CNIH3: variants seen among roughly 807,000 people sequenced by gnomAD.
CNIH3 encodes protein cornichon homolog 3.
CNIH3 carries 14 observed loss-of-function variants against 24.1 expected under a neutral mutation model. That is an observed-to-expected ratio of 0.58 (90% CI 0.38 to 0.91). CNIH3 has a LOEUF of 0.91. CNIH3 is among the 40% of genes least tolerant of loss of function. The probability of loss-of-function intolerance (pLI) is 0.00; values close to 1 mark genes in which losing one functional copy is unlikely to be tolerated. For synonymous variants in CNIH3, 68 were observed against 73.8 expected (o/e 0.92, Z 0.40); for missense variants, 178 against 196.8 (o/e 0.90, Z 0.57).
intron 1 of CNIH3, among the ~76,000 whole-genome samples, chr1:224,486,278 G>A (rs543032348): frequency 2.8e-4 from 42 of 151,516 alleles, no homozygotes; most frequent in Non-Finnish European, 4.7e-4. Context: ...GCTAATTTTT[G>A]TGGGGTTTTT....
chr1:224,725,254 AGTGGT>A (rs1243453039), intron 3 of CNIH3, among the ~76,000 whole-genome samples: 4 of 152,176 alleles, frequency 2.6e-5, no homozygotes, highest in African/African-American at 7.2e-5. Flanking sequence ...CAATAACAAT[AGTGGT>A]GTCTTCTTTT....
chr1:224,676,305 A>C lies in CNIH3; in HGVS notation c.82-4653A>C, dbSNP rs573659977. On this transcript the variant is annotated intron_variant, in intron 1 of 5. Coordinates refer to ENST00000272133, the MANE Select transcript of CNIH3 (RefSeq NM_152495.2). Reference sequence around the variant, plus strand: ...GTGACTTTCTGGAGAAGGCAAAACTAGAGGGATGGAGAACAGATTAGTGGT... The same window carrying C: ...GTGACTTTCTGGAGAAGGCAAAACTCGAGGGATGGAGAACAGATTAGTGGT... 8.5e-5 allele frequency among the ~76,000 whole-genome samples: 13 copies of C among 152,216 alleles called. No individual in the cohort carries two copies. The East Asian group carries it at 2.3e-3, about 27-fold the overall frequency.
intron 1 of CNIH3, among the ~76,000 whole-genome samples, chr1:224,618,146 A>C (rs1477435446): frequency 6.6e-6 from 1 of 152,208 alleles, no homozygotes; most frequent in African/African-American, 2.4e-5. Context: ...AGGAGTGCGT[A>C]CGCCGGTCCT....
At chr1:224,654,179 C>T (rs1023918061) in intron 1 of CNIH3, among the ~76,000 whole-genome samples, 5 of 151,886 alleles carry the variant, frequency 3.3e-5, no homozygotes, top group Non-Finnish European at 5.9e-5. Context: ...GTCAGGAGTT[C>T]GAGACCAGCC....
At chr1:224,695,746 C>T (rs561600231) in intron 3 of CNIH3, among the ~76,000 whole-genome samples, 7 of 152,338 alleles carry the variant, frequency 4.6e-5, no homozygotes, top group African/African-American at 1.4e-4. Flanking sequence ...GATGATCGCT[C>T]AGGCTCCCCT....
chr1:224,673,886 G>A (rs1685996264), intron 1 of CNIH3, among the ~76,000 whole-genome samples: 2 of 152,120 alleles, frequency 1.3e-5, no homozygotes, highest in African/African-American at 4.8e-5. Flanking sequence ...ACAGCGTGCT[G>A]GATGGAGCAC....
downstream of CNIH3, among the ~76,000 whole-genome samples, chr1:224,541,603 C>A (rs999832860): frequency 9.9e-5 from 15 of 152,148 alleles, no homozygotes; most frequent in Non-Finnish European, 1.6e-4. Flanking sequence ...AGAAGCTATT[C>A]ATTAGATTTG....
chr1:224,558,743 C>T (rs1039964854), intron 3 of CNIH3, among the ~76,000 whole-genome samples: 1 of 152,204 alleles, frequency 6.6e-6, no homozygotes, highest in Non-Finnish European at 1.5e-5. Flanking sequence ...AGAATTATTA[C>T]AGCCCACTTT....
At chr1:224,526,393 C>T (rs111426059) in intron 2 of CNIH3, among the ~76,000 whole-genome samples, 5 of 152,174 alleles carry the variant, frequency 3.3e-5, no homozygotes, top group African/African-American at 9.6e-5. Context: ...GCTTTTTTCC[C>T]CCTTTGTGCC....
At chr1:224,644,187 G>A (rs1684490639) in intron 1 of CNIH3, among the ~76,000 whole-genome samples, 1 of 152,088 alleles carries the variant, frequency 6.6e-6, no homozygotes, top group African/African-American at 2.4e-5. Flanking sequence ...TGCTCCCTTC[G>A]GCCTTTGTTA....
At chr1:224,442,375 A>G (rs1674957554) in intron 1 of CNIH3, among the ~76,000 whole-genome samples, 2 of 152,228 alleles carry the variant, frequency 1.3e-5, no homozygotes, top group African/African-American at 4.8e-5. Context: ...ATAAGGATGT[A>G]CATTTTCTGC....
intron 1 of CNIH3, among the ~76,000 whole-genome samples, chr1:224,651,713 G>A (rs1370649982): frequency 1.3e-5 from 2 of 152,148 alleles, no homozygotes; most frequent in East Asian, 3.9e-4. Context: ...AGATTTAGAT[G>A]TGTCACTGTT....
chr1:224,653,603 C>A (rs150146065), intron 1 of CNIH3, among the ~76,000 whole-genome samples: 2 of 152,304 alleles, frequency 1.3e-5, no homozygotes, highest in African/African-American at 4.8e-5. Flanking sequence ...GTGAAGAAAT[C>A]TATTAAGGAA....
At chr1:224,520,617 G>C (rs1190690791) in intron 1 of CNIH3, among the ~76,000 whole-genome samples, 5 of 152,250 alleles carry the variant, frequency 3.3e-5, no homozygotes, top group Admixed American at 6.5e-5. Flanking sequence ...ACAAAGTGAA[G>C]TGAGAACAGT....
chr1:224,532,145 G>A (rs941626675), intron 2 of CNIH3, among the ~76,000 whole-genome samples: 2 of 152,170 alleles, frequency 1.3e-5, no homozygotes, highest in African/African-American at 2.4e-5. Flanking sequence ...CGGGGCATGG[G>A]TGGATTGCAA....
intron 1 of CNIH3, among the ~76,000 whole-genome samples, chr1:224,660,277 A>T (rs776232378): frequency 2.0e-5 from 3 of 152,152 alleles, no homozygotes; most frequent in Non-Finnish European, 4.4e-5. Flanking sequence ...GCAAAGAGAG[A>T]TCAGATCTCG....
chr1:224,647,497 G>A (rs2125100366), intron 1 of CNIH3, among the ~76,000 whole-genome samples: 1 of 152,348 alleles, frequency 6.6e-6, no homozygotes, highest in South Asian at 2.1e-4. Flanking sequence ...ATGGGCAGAA[G>A]CTGGGACATC....
intron 4 of CNIH3, among the ~76,000 whole-genome samples, chr1:224,731,362 G>A (rs773362345): frequency 2.6e-5 from 4 of 152,264 alleles, no homozygotes; most frequent in Non-Finnish European, 5.9e-5. Context: ...CTAAGACCAT[G>A]TGTCAGATCA....
intron 1 of CNIH3, among the ~76,000 whole-genome samples, chr1:224,626,782 C>T (rs4654059): frequency 0.11 from 16,370 of 152,194 alleles, 978 homozygotes; most frequent in South Asian, 0.24. Flanking sequence ...AGCCCCAACC[C>T]CACAGGTAGA....
Sources: allele counts gnomAD v4.1 joint callset (sites outside exome capture counted in the v4.1 genomes callset), GRCh38; gene constraint gnomAD v4.1.1; transcripts MANE v1.5; gene names NCBI Gene and HGNC (gene_info 2026-07-23, HGNC 2026-07-21).